The following WFDC1 variants were observed in gnomAD, a reference collection of about 807,000 sequenced individuals.
WFDC1 encodes WAP four-disulfide core domain 1, also known as WAP four-disulfide core domain protein 1.
WFDC1 carries 39 observed loss-of-function variants against 32.9 expected under a neutral mutation model. The ratio of observed to expected loss-of-function variants is 1.19; its 90% CI spans 0.92 to 1.55. The LOEUF (loss-of-function observed/expected upper bound fraction) is 1.55, where lower values mean the gene tolerates loss of function less well. Among genes scored for constraint, WFDC1 ranks in the 40% most tolerant of loss-of-function variants. The pLI, the probability that WFDC1 is intolerant of heterozygous loss-of-function variation, is 0.00. For missense variants in WFDC1, 386 were observed against 309.5 expected, an observed-to-expected ratio of 1.25 and a Z score of -1.85; for synonymous variants, 184 against 137.4, an observed-to-expected ratio of 1.34 and a Z score of -2.37.
chr16:84,298,246 T>C (rs1906726952), intron 1 of WFDC1, among the ~76,000 whole-genome samples: 1 of 152,084 alleles, frequency 6.6e-6, no homozygotes. Flanking sequence ...TAGTTGGGAT[T>C]ACAGGCATGT....
Position 84,313,174 on chromosome 16 carries a change from AG to A in WFDC1, c.337+26del, listed in dbSNP as rs768257896. On this transcript the variant is annotated intron_variant, in intron 2 of 6. Transcript: ENST00000219454. ...GCCAGGTAGGTCCTGGGCCCGAGGGAGGGGGCTGAGGGAGGAGGACAGGTGA... is the reference window on the plus strand; with the variant it reads ...GCCAGGTAGGTCCTGGGCCCGAGGGAGGGGCTGAGGGAGGAGGACAGGTGA... The A allele has an allele frequency of 5.0e-6, 7 of 1,397,824 alleles. No homozygotes were observed. The African/African-American group carries it at 9.2e-5, about 18-fold the overall frequency. The allele number at this position is 1,397,824 out of a possible 1,614,324, so 86.6% of individuals were successfully genotyped here.
At chr16:84,327,279 C>G in intron 6 of WFDC1, 2 of 284,138 alleles carry the variant, frequency 7.0e-6, no homozygotes, top group East Asian at 7.2e-5. Flanking sequence ...CAGCCTCAGA[C>G]TCCTAGGCTC....
intron 2 of WFDC1, chr16:84,316,333 A>T (rs1907946552): frequency 6.6e-6 from 1 of 152,238 alleles, no homozygotes. Context: ...ACTTTAAAAG[A>T]TGCTAATTAT....
At chr16:84,315,855 C>G (rs1004750005) in intron 2 of WFDC1, among the ~76,000 whole-genome samples, 1 of 152,198 alleles carries the variant, frequency 6.6e-6, no homozygotes, top group South Asian at 2.1e-4. Flanking sequence ...AAAGCAGACC[C>G]AGAGACAAGG....
At chr16:84,319,407 C>A in intron 3 of WFDC1, 24 bp from the exon 4 acceptor site, 1 of 1,605,672 alleles carries the variant, frequency 6.2e-7, no homozygotes, top group Non-Finnish European at 8.5e-7. Context: ...GCCTTCTAGA[C>A]CCCAGCGTGT....
intron 1 of WFDC1, among the ~76,000 whole-genome samples, chr16:84,298,617 G>T (rs1319739907): frequency 6.6e-6 from 1 of 152,230 alleles, no homozygotes. Context: ...AGGGCTACAT[G>T]AGGAGAGCTG....
intron 1 of WFDC1, among the ~76,000 whole-genome samples, chr16:84,305,500 G>A (rs1397287125): frequency 3.3e-5 from 5 of 152,158 alleles, no homozygotes; most frequent in African/African-American, 7.2e-5. Flanking sequence ...TGGGTTTCTC[G>A]TACGTGTATC....
chr16:84,324,901 A>G (rs1054975023), intron 5 of WFDC1, among the ~76,000 whole-genome samples: 2 of 151,746 alleles, frequency 1.3e-5, no homozygotes, highest in African/African-American at 4.9e-5. Flanking sequence ...CCATCCTCTC[A>G]TTCATCCATT....
chr16:84,306,841 G>T (rs8051369), intron 1 of WFDC1, among the ~76,000 whole-genome samples: 77,454 of 152,040 alleles, frequency 0.51, 20,878 homozygotes, highest in Middle Eastern at 0.64. Flanking sequence ...CTATGTGCCA[G>T]GCACTGTTCT....
At chr16:84,309,451 T>G (rs401760) in intron 1 of WFDC1, among the ~76,000 whole-genome samples, 128,344 of 151,700 alleles carry the variant, frequency 0.85, 54,411 homozygotes, top group East Asian at 0.99. Flanking sequence ...TTTGGAGGCA[T>G]CGAGGCCAGG....
At chr16:84,302,094 A>G (rs967017442) in intron 1 of WFDC1, among the ~76,000 whole-genome samples, 1 of 152,272 alleles carries the variant, frequency 6.6e-6, no homozygotes, top group African/African-American at 2.4e-5. Flanking sequence ...CCTCGAAGAC[A>G]TGATGCTGAG....
At chr16:84,295,624 C>T (rs1276812326) in intron 1 of WFDC1, 1 of 159,292 alleles carries the variant, frequency 6.3e-6, no homozygotes, top group Non-Finnish European at 1.4e-5. Flanking sequence ...AGCCCCCATC[C>T]TCAAGGGTGG....
intron 1 of WFDC1, chr16:84,295,510 T>G (rs1337936671): frequency 6.2e-6 from 2 of 322,256 alleles, no homozygotes; most frequent in African/African-American, 4.2e-5. Context: ...TGTTTATTCA[T>G]TCAGCAAACA....
At chr16:84,313,470 C>T (rs985280951) in intron 2 of WFDC1, among the ~76,000 whole-genome samples, 2 of 152,210 alleles carry the variant, frequency 1.3e-5, no homozygotes, top group Non-Finnish European at 2.9e-5. Context: ...CCAGCAGACA[C>T]CCATTCCCGG....
chr16:84,297,569 A>T (rs948330008), intron 1 of WFDC1, among the ~76,000 whole-genome samples: 1 of 134,044 alleles, frequency 7.5e-6, no homozygotes, highest in African/African-American at 2.7e-5. Context: ...GTGAGCCGAG[A>T]TTGTGCCATT....
chr16:84,325,980 A>G (rs572933052), intron 5 of WFDC1: 1 of 151,286 alleles, frequency 6.6e-6, no homozygotes, highest in South Asian at 2.1e-4. Flanking sequence ...CCATCCATCC[A>G]TTCACCTATG....
chr16:84,306,381 T>G (rs375712103), intron 1 of WFDC1, among the ~76,000 whole-genome samples: 3 of 152,030 alleles, frequency 2.0e-5, no homozygotes, highest in African/African-American at 7.3e-5. Flanking sequence ...GGTTCAGCTG[T>G]GAAAAAGAGT....
intron 5 of WFDC1, 86 bp downstream of exon 5, chr16:84,324,546 C>T: frequency 6.7e-7 from 1 of 1,483,944 alleles, no homozygotes; most frequent in Non-Finnish European, 9.2e-7. Context: ...AATAAAAGCC[C>T]AGGGCTGAGA....
At chr16:84,306,002 CAAAAT>C (rs902711810) in intron 1 of WFDC1, among the ~76,000 whole-genome samples, 2 of 109,344 alleles carry the variant, frequency 1.8e-5, no homozygotes, top group Admixed American at 9.2e-5. Flanking sequence ...GACCTTTTCT[CAAAAT>C]AATAATAATA....
Sources: allele counts gnomAD v4.1 joint callset (sites outside exome capture counted in the v4.1 genomes callset), GRCh38; gene constraint gnomAD v4.1.1; transcripts MANE v1.5; gene names NCBI Gene and HGNC (gene_info 2026-07-23, HGNC 2026-07-21).